Variants in LUZP2 observed in about 807,000 individuals in gnomAD.
LUZP2 encodes the protein leucine zipper protein 2.
A neutral mutation model predicts 51.6 loss-of-function variants in LUZP2; 52 were observed. That is an observed-to-expected ratio of 1.01 (90% CI 0.81 to 1.27). The LOEUF is 1.27. Ranked by LOEUF, LUZP2 falls within the 50% of genes most tolerant of loss-of-function variation. LUZP2 has a pLI of 0.00. For missense variants in LUZP2, 436 were observed against 395.4 expected (o/e 1.10, Z -0.87); for synonymous variants, 154 against 137.3 (o/e 1.12, Z -0.85).
intron 1 of LUZP2, among the ~76,000 whole-genome samples, chr11:24,663,355 T>C (rs1323664356): frequency 6.6e-6 from 1 of 152,124 alleles, no homozygotes; most frequent in Non-Finnish European, 1.5e-5. Flanking sequence ...CATGTTTGCT[T>C]CCCTTTTGCC....
chr11:25,071,092 T>G (rs1176313107), intron 10 of LUZP2, among the ~76,000 whole-genome samples: 1 of 145,904 alleles, frequency 6.9e-6, no homozygotes, highest in Non-Finnish European at 1.5e-5. Context: ...GACCATGTCA[T>G]GCAATTTTGT....
rs1262551002 is a variant in LUZP2 at position 24,658,356 on chromosome 11, A to G, written c.63-70813A>G. On this transcript the variant is annotated intron_variant, in intron 1 of 11. Coordinates refer to ENST00000336930, the MANE Select transcript of LUZP2 (RefSeq NM_001009909.4). The stretch of plus-strand genomic sequence containing the variant: ...TCCCTATTTAATAAATGGTGCTGGG[A>G]AAACTGGCTAGCCATATGGAGAAAG... Among the ~76,000 whole-genome samples the G allele has an allele frequency of 3.9e-5, 6 of 152,352 alleles. No individual in the cohort carries two copies. In the Middle Eastern group the frequency reaches 0.01, roughly 259 times the overall value.
intron 5 of LUZP2, among the ~76,000 whole-genome samples, chr11:24,881,422 T>C (rs961267384): frequency 1.8e-4 from 27 of 152,106 alleles, no homozygotes; most frequent in African/African-American, 6.3e-4. Context: ...TCTGCAAGGA[T>C]GGATGAGTCA....
chr11:24,994,018 G>T (rs1228643778), intron 9 of LUZP2, among the ~76,000 whole-genome samples: 1 of 151,958 alleles, frequency 6.6e-6, no homozygotes, highest in South Asian at 2.1e-4. Flanking sequence ...GTGCCAACAC[G>T]CCCGACTAAT....
At chr11:24,921,029 G>C (rs185498579) in intron 7 of LUZP2, among the ~76,000 whole-genome samples, 1 of 152,054 alleles carries the variant, frequency 6.6e-6, no homozygotes, top group Admixed American at 6.6e-5. Flanking sequence ...TATTTACATA[G>C]CACTTACATT....
At chr11:24,641,981 C>T (rs1855302542) in intron 1 of LUZP2, among the ~76,000 whole-genome samples, 1 of 151,830 alleles carries the variant, frequency 6.6e-6, no homozygotes, top group Admixed American at 6.6e-5. Flanking sequence ...GTAACCTCCG[C>T]CTCCCTCAAG....
At chr11:24,547,333 G>T (rs889945310) in intron 1 of LUZP2, among the ~76,000 whole-genome samples, 1 of 152,082 alleles carries the variant, frequency 6.6e-6, no homozygotes, top group Admixed American at 6.6e-5. Flanking sequence ...CAAGGCAGCA[G>T]TAACTAAATC....
intron 1 of LUZP2, among the ~76,000 whole-genome samples, chr11:24,728,811 A>G (rs1490050587): frequency 6.6e-6 from 1 of 151,898 alleles, no homozygotes; most frequent in Non-Finnish European, 1.5e-5. Flanking sequence ...CATACCTGAG[A>G]CTGGGTAATT....
chr11:24,918,756 T>C (rs377072216), intron 7 of LUZP2, among the ~76,000 whole-genome samples: 27 of 150,356 alleles, frequency 1.8e-4, no homozygotes, highest in African/African-American at 6.1e-4. Flanking sequence ...TATTTTAACA[T>C]ATTTTATATT....
intron 7 of LUZP2, among the ~76,000 whole-genome samples, chr11:24,919,223 A>ATAG (rs148679630): frequency 1 from 2 of 2 alleles, 1 homozygote; most frequent in African/African-American, 1. Flanking sequence ...TATGTTATAT[A>ATAG]TTATATATGA....
chr11:24,998,907 C>G (rs1403019511), intron 9 of LUZP2, among the ~76,000 whole-genome samples: 1 of 152,042 alleles, frequency 6.6e-6, no homozygotes, highest in African/African-American at 2.4e-5. Context: ...AATTTTAAAA[C>G]TATTTTAAAA....
intron 9 of LUZP2, among the ~76,000 whole-genome samples, chr11:25,010,733 G>A (rs1238199309): frequency 1.3e-5 from 2 of 152,020 alleles, no homozygotes; most frequent in Non-Finnish European, 2.9e-5. Context: ...TGTAGTCCCA[G>A]CTACTCCAGT....
chr11:24,591,116 A>T (rs1000782789), intron 1 of LUZP2, among the ~76,000 whole-genome samples: 7 of 152,090 alleles, frequency 4.6e-5, no homozygotes, highest in African/African-American at 1.7e-4. Flanking sequence ...CCCTTAAAAA[A>T]TAGTAATAAT....
At chr11:24,648,728 G>A (rs982656131) in intron 1 of LUZP2, among the ~76,000 whole-genome samples, 4 of 151,896 alleles carry the variant, frequency 2.6e-5, no homozygotes, top group Non-Finnish European at 4.4e-5. Flanking sequence ...GAAAGGAAAC[G>A]ATAAGGGGTA....
chr11:24,641,138 C>T (rs1484865866), intron 1 of LUZP2, among the ~76,000 whole-genome samples: 2 of 151,418 alleles, frequency 1.3e-5, no homozygotes, highest in Non-Finnish European at 2.9e-5. Flanking sequence ...TAGTCTCAAA[C>T]TTCTGGCCTC....
chr11:24,985,665 C>G (rs2197546), intron 9 of LUZP2, among the ~76,000 whole-genome samples: 55,756 of 151,358 alleles, frequency 0.37, 12,574 homozygotes, highest in East Asian at 0.68. Flanking sequence ...GAATAAAAGT[C>G]CTTGCATTCA....
intron 1 of LUZP2, among the ~76,000 whole-genome samples, chr11:24,534,675 A>C (rs916011256): frequency 1.3e-5 from 2 of 151,478 alleles, no homozygotes; most frequent in East Asian, 3.9e-4. Context: ...TTCCACCTAT[A>C]AATTCCTTAG....
intron 1 of LUZP2, among the ~76,000 whole-genome samples, chr11:24,712,063 A>C (rs1857847255): frequency 6.6e-6 from 1 of 152,212 alleles, no homozygotes; most frequent in South Asian, 2.1e-4. Flanking sequence ...TAGCAGTTAA[A>C]AAGGTAAAGA....
intron 1 of LUZP2, among the ~76,000 whole-genome samples, chr11:24,540,116 G>A (rs182614749): frequency 1.8e-4 from 27 of 152,130 alleles, no homozygotes; most frequent in Non-Finnish European, 2.6e-4. Flanking sequence ...GCATTGTGGG[G>A]AAAAGTACAC....
Sources: gnomAD v4.1 joint callset for allele counts (sites outside exome capture counted in the v4.1 genomes callset) on GRCh38, gnomAD v4.1.1 for gene constraint, MANE v1.5 for transcripts, NCBI Gene and HGNC (gene_info 2026-07-23, HGNC 2026-07-21) for gene names.